Variants in SPG11 observed in about 807,000 individuals in gnomAD.
SPG11 encodes SPG11 vesicle trafficking associated, spatacsin.
A neutral mutation model predicts 274.0 loss-of-function variants in SPG11; 222 were observed. That is an observed-to-expected ratio of 0.81 (90% confidence interval 0.73 to 0.91). SPG11 has a LOEUF of 0.91. Among genes scored for constraint, SPG11 ranks in the 40% least tolerant of loss-of-function variants. SPG11 has a pLI of 0.00. For synonymous variants in SPG11, 1,144 were observed against 1,039.7 expected (o/e 1.10, Z -1.93); for missense variants, 3,114 against 2,872.7 (o/e 1.08, Z -1.92).
At chr15:44,598,562 C>G (rs1595863591) in intron 22 of SPG11, 69 bp downstream of exon 22, 2 of 1,473,338 alleles carry the variant, frequency 1.4e-6, no homozygotes, top group Non-Finnish European at 1.9e-6. Context: ...CCCAAACACT[C>G]ACAATTCAAT....
intron 39 of SPG11, 37 bp from the exon 40 acceptor site, chr15:44,563,338 G>GT (rs769091254): frequency 1.8e-4 from 285 of 1,586,646 alleles, no homozygotes; most frequent in Non-Finnish European, 2.3e-4. Flanking sequence ...TTAAGATACT[G>GT]TTTTTTGTTT....
chr15:44,652,023 T>A, intron 5 of SPG11, 84 bp from the exon 6 acceptor site: 1 of 1,241,518 alleles, frequency 8.1e-7, no homozygotes, highest in Non-Finnish European at 1.1e-6. Flanking sequence ...AAGATGTTCT[T>A]AAAAAAAAAA....
At chr15:44,639,614 A>G (rs575082684) in intron 7 of SPG11, among the ~76,000 whole-genome samples, 10 of 152,162 alleles carry the variant, frequency 6.6e-5, no homozygotes, top group Non-Finnish European at 1.3e-4. Flanking sequence ...ACATGGGGGT[A>G]TCCCTTGCAA....
intron 30 of SPG11, among the ~76,000 whole-genome samples, chr15:44,577,009 G>C (rs2082553455): frequency 6.6e-6 from 1 of 151,970 alleles, no homozygotes; most frequent in Non-Finnish European, 1.5e-5. Context: ...TGTATTTTTA[G>C]TAGATATGAA....
chr15:44,629,702 A>G (rs2084003019), intron 8 of SPG11, among the ~76,000 whole-genome samples: 1 of 152,230 alleles, frequency 6.6e-6, no homozygotes, highest in African/African-American at 2.4e-5. Context: ...GTAGGTGTGT[A>G]TTATATTCTC....
intron 6 of SPG11, among the ~76,000 whole-genome samples, 184 bp from the exon 7 acceptor site, chr15:44,649,195 T>C (rs1051496770): frequency 2.0e-5 from 3 of 151,468 alleles, no homozygotes; most frequent in Non-Finnish European, 4.4e-5. Flanking sequence ...TATAGGCGAG[T>C]TTTGTGGGTT....
chr15:44,647,556 A>C (rs2084642802), intron 7 of SPG11, among the ~76,000 whole-genome samples: 1 of 152,242 alleles, frequency 6.6e-6, no homozygotes, highest in African/African-American at 2.4e-5. Flanking sequence ...AATGCAGTAT[A>C]TATTGATACA....
Position 44,565,994 on chromosome 15 carries a change from G to C in SPG11, c.6859C>G (p.Gln2287Glu). The C allele has an allele frequency of 6.2e-7, 1 of 1,613,790 alleles. No individual in the cohort carries two copies. Among genetic ancestry groups the C allele is most frequent in the Non-Finnish European group, 8.5e-7 (1 of 1,180,028 alleles). Residue 2287 changes from glutamine to glutamate, a missense_variant, in exon 38 of 40, where the codon CAG becomes GAG. Physicochemically the swap from Gln to Glu is conservative, Grantham distance 29. Transcript: ENST00000261866. The stretch of plus-strand genomic sequence containing the variant: ...GTGAGCCGCTGACAGTGCTGGGCCT[G>C]TCGCACACAGGAGTCCTGAGGAACA... ...ESYAKDSCVR[Q>E]AQHCQRLTKL...
At chr15:44,628,911 A>C in intron 9 of SPG11, 67 bp from the exon 10 acceptor site, 2 of 1,435,104 alleles carry the variant, frequency 1.4e-6, no homozygotes, top group Non-Finnish European at 1.9e-6. Context: ...GCTGTTATAA[A>C]GAATTCTAAA....
At chr15:44,589,507 T>C in intron 27 of SPG11, 93 bp from the exon 28 acceptor site, 1 of 1,482,416 alleles carries the variant, frequency 6.7e-7, no homozygotes, top group Non-Finnish European at 9.4e-7. Flanking sequence ...AAAGCTAAAA[T>C]TCCCTCAAAA....
intron 12 of SPG11, 44 bp from the exon 13 acceptor site, chr15:44,622,391 A>C: frequency 6.8e-7 from 1 of 1,474,158 alleles, no homozygotes; most frequent in Non-Finnish European, 9.3e-7. Flanking sequence ...CAAAAAATCA[A>C]GCACTTTTGC....
chr15:44,613,632 G>GA (rs2083518381), intron 16 of SPG11, 96 bp from the exon 17 acceptor site: 3 of 747,046 alleles, frequency 4.0e-6, no homozygotes, highest in Admixed American at 2.4e-5. Context: ...TTTAAAAAAA[G>GA]AATCTTGGAA....
chr15:44,578,640 C>G (rs1202784852), intron 30 of SPG11, among the ~76,000 whole-genome samples: 1 of 152,148 alleles, frequency 6.6e-6, no homozygotes, highest in Non-Finnish European at 1.5e-5. Flanking sequence ...CTACCAAGGT[C>G]ACAGATTGAC....
Position 44,596,100 on chromosome 15 carries a change from G to C in SPG11, c.4417C>G (p.Leu1473Val), listed in dbSNP as rs2140971629. 1 of 1,613,632 alleles carries C rather than the reference G, an allele frequency of 6.2e-7. No individual in the cohort carries two copies. The highest frequency in any genetic ancestry group is 8.5e-7 in the Non-Finnish European group (1 of 1,180,038). ...ATCCTCACCTGGAGACATGAGGCCAGAACACTGAGGATAGGGGCCTGTTGT... is the reference window on the plus strand; with the variant it reads ...ATCCTCACCTGGAGACATGAGGCCACAACACTGAGGATAGGGGCCTGTTGT... Reference protein sequence around the residue: ...VKQQAPILSVLASCLQGASAI... With the variant: ...VKQQAPILSVVASCLQGASAI... Residue 1473 changes from leucine (L) to valine (V), a missense_variant, in exon 25 of 40, where the codon CTG becomes GTG. By Grantham distance (32) the Leu-to-Val change is conservative. Transcript: ENST00000261866.
chr15:44,567,393 G>C lies in SPG11; in HGVS notation c.6754+31C>G, dbSNP rs771539418. The C allele has an allele frequency of 9.6e-6, 15 of 1,569,868 alleles. No individual in the cohort carries two copies. The East Asian group carries it at 3.4e-4, about 36-fold the overall frequency. On this transcript the variant is annotated intron_variant, in intron 36 of 39. Transcript: ENST00000261866. ...GGAATTTTACCTAGCTAGCAGCACT[G>C]TTCTGGTAGTGTGGCTGTGACCTCA... is the stretch of plus-strand genomic sequence containing the variant.
rs1419226770 is a variant in SPG11, at chr15:44,595,394, A to G, written c.4500T>C (p.Thr1500=). 2 of 1,614,220 alleles carry G rather than the reference A, an allele frequency of 1.2e-6. No individual in the cohort carries two copies. The highest frequency in any genetic ancestry group is 2.2e-5 in the South Asian group (2 of 91,092). Residue 1500 remains threonine (T), a synonymous_variant, in exon 26 of 40, where the codon ACT becomes ACC. Coordinates refer to ENST00000261866, the MANE Select transcript of SPG11 (RefSeq NM_025137.4). ...AGTCCTGAATGTGTCCCATTGCTTC[A>G]GTTGCAACATTGTCCTCCACAGAAG... ...IITSVEDNVA[T]EAMGHIQDST... is the part of the protein sequence containing the mutation.
intron 19 of SPG11, among the ~76,000 whole-genome samples, chr15:44,607,482 A>G (rs1043453460): frequency 1.3e-5 from 2 of 152,242 alleles, no homozygotes; most frequent in South Asian, 2.1e-4. Flanking sequence ...GGGTTTCACT[A>G]TGTTGGCTAG....
chr15:44,604,206 A>G lies in SPG11; in HGVS notation c.3520+1819T>C, dbSNP rs533057852. 1.2e-5 allele frequency: 5 copies of G among 424,494 alleles called. No individual in the cohort carries two copies. In the East Asian group the frequency reaches 3.5e-4, roughly 30 times the overall value. 26.3% of individuals were successfully genotyped at this position (424,494 alleles called of 1,614,324 possible). A position where few individuals can be genotyped will look rare whatever the true frequency, so the allele number is the denominator to read the frequency against. ...ACATTGTGACCTGATTCCTAAAAAA[A>G]AAAAAAAGGCTTGAAGACCCTGGAG... On this transcript the variant is annotated intron_variant, in intron 20 of 39. Transcript: ENST00000261866.
At chr15:44,639,076 A>G (rs1420005993) in intron 7 of SPG11, among the ~76,000 whole-genome samples, 1 of 152,134 alleles carries the variant, frequency 6.6e-6, no homozygotes, top group Non-Finnish European at 1.5e-5. Flanking sequence ...GTATTTTACA[A>G]TACAAAAATA....
Sources: gnomAD v4.1 joint callset for allele counts (sites outside exome capture counted in the v4.1 genomes callset) on GRCh38, gnomAD v4.1.1 for gene constraint, MANE v1.5 for transcripts, NCBI Gene and HGNC (gene_info 2026-07-23, HGNC 2026-07-21) for gene names.